Variants in ROBO2 observed in about 807,000 individuals in gnomAD.
The protein encoded by ROBO2 is roundabout homolog 2.
A neutral mutation model predicts 160.8 loss-of-function variants in ROBO2; 53 were observed. The observed-to-expected ratio is 0.33, with a 90% confidence interval of 0.26 to 0.41. The LOEUF is 0.41. ROBO2 is among the 10% of genes least tolerant of loss of function. The probability of loss-of-function intolerance (pLI) is 1.00; values close to 1 mark genes in which losing one functional copy is unlikely to be tolerated. For missense variants in ROBO2, 1,577 were observed against 1,722.4 expected (o/e 0.92, Z 1.49); for synonymous variants, 664 against 611.7 (o/e 1.09, Z -1.26).
intron 2 of ROBO2, among the ~76,000 whole-genome samples, chr3:76,208,049 C>A (rs1348953158): frequency 6.6e-6 from 1 of 152,142 alleles, no homozygotes; most frequent in Non-Finnish European, 1.5e-5. Flanking sequence ...CTGTTCCAGC[C>A]CTGTGAACTG....
intron 2 of ROBO2, among the ~76,000 whole-genome samples, chr3:75,978,014 G>T (rs1239549037): frequency 1.3e-5 from 2 of 151,444 alleles, no homozygotes; most frequent in Non-Finnish European, 3.0e-5. Flanking sequence ...TACAATGTTA[G>T]TTACAGTATG....
At chr3:77,486,535 CAT>C (rs4053769) in intron 4 of ROBO2, among the ~76,000 whole-genome samples, 79,142 of 151,824 alleles carry the variant, frequency 0.52, 20,936 homozygotes, top group Admixed American at 0.63. Flanking sequence ...AACTTTTTTT[CAT>C]ATGTTTGTTA....
At chr3:75,953,075 C>T (rs1948607876) in intron 2 of ROBO2, among the ~76,000 whole-genome samples, 1 of 151,850 alleles carries the variant, frequency 6.6e-6, no homozygotes, top group Non-Finnish European at 1.5e-5. Context: ...CTATAACATT[C>T]ATGGGAAGAA....
chr3:76,049,405 T>A (rs2171640), intron 2 of ROBO2, among the ~76,000 whole-genome samples: 1,109 of 50,362 alleles, frequency 0.022, 3 homozygotes, highest in South Asian at 0.03. Flanking sequence ...ATATATATAT[T>A]TTTTTTTTTT....
chr3:75,908,110 A>G (rs1489547160), intron 1 of ROBO2, among the ~76,000 whole-genome samples: 1 of 152,154 alleles, frequency 6.6e-6, no homozygotes, highest in Non-Finnish European at 1.5e-5. Flanking sequence ...CACATGACAC[A>G]CTGTGGATTT....
chr3:77,403,203 C>T (rs2075966488), intron 2 of ROBO2, among the ~76,000 whole-genome samples: 1 of 152,192 alleles, frequency 6.6e-6, no homozygotes, highest in Admixed American at 6.5e-5. Context: ...CATTGTCTCA[C>T]ATATTTATCA....
chr3:76,984,543 T>C (rs572005519), intron 2 of ROBO2, among the ~76,000 whole-genome samples: 1 of 152,264 alleles, frequency 6.6e-6, no homozygotes, highest in East Asian at 1.9e-4. Flanking sequence ...CCAGGGGAGA[T>C]AGAAGCAGTT....
At chr3:77,413,059 T>A (rs905459228) in intron 2 of ROBO2, among the ~76,000 whole-genome samples, 6 of 151,914 alleles carry the variant, frequency 3.9e-5, no homozygotes, top group African/African-American at 1.5e-4. Context: ...CAAATAAAAA[T>A]AATAAAAATA....
chr3:76,935,480 C>T (rs907530665), intron 2 of ROBO2, among the ~76,000 whole-genome samples: 15 of 152,200 alleles, frequency 9.9e-5, no homozygotes, highest in African/African-American at 3.4e-4. Context: ...TAATCTGGGA[C>T]AGTTCCTCAG....
intron 2 of ROBO2, among the ~76,000 whole-genome samples, chr3:76,214,731 T>TG (rs1040573150): frequency 6.6e-6 from 1 of 152,202 alleles, no homozygotes. Flanking sequence ...GCTCCACCTC[T>TG]GGGGGCAGGG....
chr3:76,005,733 C>T (rs1048623466), intron 2 of ROBO2, among the ~76,000 whole-genome samples: 2 of 152,218 alleles, frequency 1.3e-5, no homozygotes, highest in Non-Finnish European at 2.9e-5. Flanking sequence ...ATATAACACA[C>T]ACTACAAGAT....
At chr3:76,984,902 T>C (rs567589884) in intron 2 of ROBO2, among the ~76,000 whole-genome samples, 1 of 152,236 alleles carries the variant, frequency 6.6e-6, no homozygotes, top group South Asian at 2.1e-4. Context: ...ATATAGCATA[T>C]ATAGGTTGAA....
chr3:77,293,604 A>G (rs1434312039), intron 2 of ROBO2, among the ~76,000 whole-genome samples: 1 of 145,974 alleles, frequency 6.9e-6, no homozygotes, highest in Non-Finnish European at 1.5e-5. Flanking sequence ...AGATCACCCC[A>G]GACACAAAGT....
chr3:77,194,074 A>G (rs2082111543), intron 2 of ROBO2, among the ~76,000 whole-genome samples: 1 of 152,238 alleles, frequency 6.6e-6, no homozygotes, highest in African/African-American at 2.4e-5. Context: ...AGTTGATGAC[A>G]GACACCAATG....
At chr3:76,486,584 C>T (rs1312328704) in intron 2 of ROBO2, among the ~76,000 whole-genome samples, 2 of 152,046 alleles carry the variant, frequency 1.3e-5, no homozygotes, top group African/African-American at 2.4e-5. Flanking sequence ...AATGAAAACT[C>T]ATATATCTTT....
chr3:76,610,191 G>A (rs1578514332), intron 2 of ROBO2, among the ~76,000 whole-genome samples: 3 of 152,192 alleles, frequency 2.0e-5, no homozygotes, highest in Non-Finnish European at 4.4e-5. Context: ...TCTGGTTTTG[G>A]TATCAAGATA....
At chr3:76,993,068 T>A (rs765752380) in intron 2 of ROBO2, among the ~76,000 whole-genome samples, 1 of 152,114 alleles carries the variant, frequency 6.6e-6, no homozygotes, top group Non-Finnish European at 1.5e-5. Flanking sequence ...GCCACCTGCC[T>A]CAGCCTCCCA....
At chr3:76,117,466 ACC>A (rs2070522970) in intron 2 of ROBO2, among the ~76,000 whole-genome samples, 1 of 152,178 alleles carries the variant, frequency 6.6e-6, no homozygotes, top group Non-Finnish European at 1.5e-5. Context: ...ATTATGAGAC[ACC>A]AAGTTTAACA....
At chr3:76,419,296 A>G (rs1042802205) in intron 2 of ROBO2, among the ~76,000 whole-genome samples, 1 of 152,252 alleles carries the variant, frequency 6.6e-6, no homozygotes, top group Non-Finnish European at 1.5e-5. Context: ...TCCAGAAAAC[A>G]TAAAAGGTGA....
Sources: allele counts gnomAD v4.1 joint callset (sites outside exome capture counted in the v4.1 genomes callset), GRCh38; gene constraint gnomAD v4.1.1; transcripts MANE v1.5; gene names NCBI Gene and HGNC (gene_info 2026-07-23, HGNC 2026-07-21).